MTMR14: variants seen among roughly 807,000 people sequenced by gnomAD.
The protein encoded by MTMR14 is phosphatidylinositol-3,5-bisphosphate 3-phosphatase MTMR14.
Under a neutral mutation model 86.3 loss-of-function variants are expected in MTMR14, and 48 were observed. That is an observed-to-expected ratio of 0.56 (90% CI 0.44 to 0.71). The LOEUF (loss-of-function observed/expected upper bound fraction) is 0.71. Among genes scored for constraint, MTMR14 ranks in the 30% least tolerant of loss-of-function variants. The pLI, the probability that MTMR14 is intolerant of heterozygous loss-of-function variation, is 0.00. For missense variants in MTMR14, 780 were observed against 834.6 expected, an observed-to-expected ratio of 0.93 and a Z score of 0.81; for synonymous variants, 366 against 326.1, an observed-to-expected ratio of 1.12 and a Z score of -1.32.
At chr3:9,656,695 G>C (rs1450155167) in intron 2 of MTMR14, among the ~76,000 whole-genome samples, 1 of 152,178 alleles carries the variant, frequency 6.6e-6, no homozygotes, top group Non-Finnish European at 1.5e-5. Context: ...CTGGATTACA[G>C]GTGTGAGCCA....
intron 9 of MTMR14, among the ~76,000 whole-genome samples, chr3:9,681,182 A>G (rs2075756997): frequency 6.6e-6 from 1 of 152,178 alleles, no homozygotes; most frequent in South Asian, 2.1e-4. Context: ...TGAATGAATG[A>G]GTGAATGAAT....
At chr3:9,661,734 T>TC (rs982055454) in intron 2 of MTMR14, among the ~76,000 whole-genome samples, 1 of 152,132 alleles carries the variant, frequency 6.6e-6, no homozygotes, top group African/African-American at 2.4e-5. Flanking sequence ...ACTTTTTTTT[T>TC]ATCTTAAAGG....
At chr3:9,665,084 C>G (rs923751956) in intron 3 of MTMR14, among the ~76,000 whole-genome samples, 1 of 151,998 alleles carries the variant, frequency 6.6e-6, no homozygotes, top group East Asian at 1.9e-4. Context: ...GAGTTCGAGA[C>G]CAGCCTAGCC....
In MTMR14 at chr3:9,669,836, T is replaced by C. The variant is rs115741687; in HGVS notation, c.554+344T>C. ...AGTTGCCAGTTTGCAGCTATGATGC[T>C]GATTACCAACCTGCCAGATCTCACC... On this transcript the variant is annotated intron_variant, in intron 5 of 18. Coordinates refer to ENST00000296003, the MANE Select transcript of MTMR14 (RefSeq NM_001077525.3). Among the ~76,000 whole-genome samples the C allele has an allele frequency of 2.1e-3, 317 of 152,310 alleles. 1 individual carries two copies. The highest frequency in any genetic ancestry group is 7.4e-3 in the African/African-American group (308 of 41,584).
At chr3:9,698,595 G>C (rs955938413) in intron 18 of MTMR14, among the ~76,000 whole-genome samples, 4 of 152,234 alleles carry the variant, frequency 2.6e-5, no homozygotes, top group African/African-American at 9.6e-5. Context: ...ACATGCTGGG[G>C]CCTTACCACC....
At position 9,677,898 on chromosome 3, in the gene MTMR14, C is replaced by A; in HGVS notation, c.823-86C>A. On this transcript the variant is annotated intron_variant, in intron 8 of 18. Transcript: ENST00000296003. This position sits in a 1 kb window ranked among gnomAD's most constrained non-coding sequence, Gnocchi z 4.2. ...GAAGGCAAGCACTGCCTGTGGTAGT[C>A]ACAGCCTCAGGACTGCAAGCTTCCC... 8.1e-7 allele frequency: 1 copy of A among 1,233,420 alleles called. No individual in the cohort carries two copies. The highest frequency in any genetic ancestry group is 1.2e-6 in the Non-Finnish European group (1 of 856,050). 76.4% of individuals were successfully genotyped at this position (1,233,420 alleles called of 1,614,324 possible). A position where few individuals can be genotyped will look rare whatever the true frequency, so the allele number is the denominator to read the frequency against.
chr3:9,656,743 TTAAGC>T (rs1430573181), intron 2 of MTMR14, among the ~76,000 whole-genome samples: 3 of 152,130 alleles, frequency 2.0e-5, no homozygotes, highest in South Asian at 2.1e-4. Context: ...CCGTAAATCT[TTAAGC>T]TAAAGTTTCT....
rs781063670 is a variant in MTMR14, at chr3:9,684,683, C to T, written c.1050+13C>T. The T allele has an allele frequency of 5.1e-5, 82 of 1,613,738 alleles. 1 individual carries two copies. In the Middle Eastern group the frequency reaches 9.9e-4, roughly 19 times the overall value. On this transcript the variant is annotated intron_variant, in intron 11 of 18. Transcript: ENST00000296003. The stretch of plus-strand genomic sequence containing the variant: ...TTCCTTGTGGGCTGTGAGTATGAAT[C>T]GGCCCCTACCAAGCTCTGCTCTTTG...
intron 2 of MTMR14, among the ~76,000 whole-genome samples, chr3:9,654,465 A>G (rs574948313): frequency 6.6e-6 from 1 of 152,336 alleles, no homozygotes; most frequent in East Asian, 1.9e-4. Context: ...CAGAGCAGAC[A>G]CAGAATGCTT....
intron 18 of MTMR14, chr3:9,699,554 C>G (rs988460922): frequency 6.6e-6 from 1 of 152,242 alleles, no homozygotes; most frequent in Non-Finnish European, 1.5e-5. Flanking sequence ...CCTAGCTGCT[C>G]TATTCACCAG....
At chr3:9,700,120 T>C (rs2076407388) in intron 18 of MTMR14, 1 of 152,260 alleles carries the variant, frequency 6.6e-6, no homozygotes, top group African/African-American at 2.4e-5. Flanking sequence ...CCCCCCATAC[T>C]TACCTCAGGA....
chr3:9,680,863 A>AC (rs374742855), intron 9 of MTMR14, among the ~76,000 whole-genome samples: 1 of 151,994 alleles, frequency 6.6e-6, no homozygotes, highest in Non-Finnish European at 1.5e-5. Context: ...AAACAAACAA[A>AC]AGAAGGCAGC....
intron 18 of MTMR14, among the ~76,000 whole-genome samples, chr3:9,698,483 A>G (rs536943726): frequency 5.1e-4 from 77 of 152,362 alleles, no homozygotes; most frequent in Admixed American, 2.9e-3. Context: ...GATGTCAGGC[A>G]GGAGAAAGCC....
Position 9,697,802 on chromosome 3 carries a change from G to A in MTMR14, c.1705G>A (p.Ala569Thr). The change falls in exon 18 of 19, where the codon GCT becomes ACT. Residue 569 changes from alanine to threonine, a missense_variant. Ala to Thr is a moderately conservative substitution (Grantham distance 58). Coordinates refer to ENST00000296003, the MANE Select transcript of MTMR14 (RefSeq NM_001077525.3). ...GGGCTGTGGCAGTATTCAGGAGCGG[G>A]CTGTCCTGCACACAGACTCCTCTCT... ...VTGCGSIQER[A>T]VLHTDSSLPF... 6.2e-7 allele frequency: 1 copy of A among 1,614,182 alleles called. No homozygotes were observed. Among genetic ancestry groups the A allele is most frequent in the Non-Finnish European group, 8.5e-7 (1 of 1,180,034 alleles).
chr3:9,649,868 AGAG>A (rs1231110159), intron 1 of MTMR14, 126 bp downstream of exon 1: 20 of 1,542,070 alleles, frequency 1.3e-5, no homozygotes, highest in African/African-American at 2.7e-5. Context: ...GGAGAGAGAG[AGAG>A]GAGTTCTCCA....
chr3:9,686,023 C>A (rs892477978), intron 13 of MTMR14, among the ~76,000 whole-genome samples: 2 of 152,140 alleles, frequency 1.3e-5, no homozygotes, highest in Non-Finnish European at 2.9e-5. Context: ...CTCTTTGGCC[C>A]CCACTCCCCC....
Position 9,671,178 on chromosome 3 carries a change from C to A in MTMR14, c.677+8C>A, listed in dbSNP as rs781028725. On this transcript the variant is annotated splice_region_variant and intron_variant, in intron 6 of 18. Coordinates refer to ENST00000296003, the MANE Select transcript of MTMR14 (RefSeq NM_001077525.3). ...GGTGAAGTTTGGCATGAAGTAAGTA[C>A]AGGCGCCCACTACAAAATGAGCAGA... The A allele has an allele frequency of 1.2e-6, 2 of 1,614,162 alleles. No homozygotes were observed. The highest frequency in any genetic ancestry group is 4.5e-5 in the East Asian group (2 of 44,886).
In MTMR14 at chr3:9,677,794, ACTC is replaced by A. The variant is rs915799719; in HGVS notation, c.823-187_823-185del. Among the ~76,000 whole-genome samples, 2 of 151,582 alleles carry A rather than the reference ACTC, an allele frequency of 1.3e-5. No homozygotes were observed. Among genetic ancestry groups the A allele is most frequent in the Admixed American group, 1.3e-4 (2 of 15,216 alleles). On this transcript the variant is annotated intron_variant, in intron 8 of 18. Coordinates refer to ENST00000296003, the MANE Select transcript of MTMR14 (RefSeq NM_001077525.3). This position sits in a 1 kb window ranked among gnomAD's most constrained non-coding sequence, Gnocchi z 4.2. The stretch of plus-strand genomic sequence containing the variant: ...CAGACATCAAATGTCCGACTGAAAA[ACTC>A]CTACTCAGCTATACTGATCTGGTCA...
In MTMR14 at chr3:9,677,884, C is replaced by T; in HGVS notation, c.823-100C>T. On this transcript the variant is annotated intron_variant, in intron 8 of 18. Coordinates refer to ENST00000296003, the MANE Select transcript of MTMR14 (RefSeq NM_001077525.3). The surrounding 1 kb of genome is among the most constrained non-coding windows in gnomAD (Gnocchi z 4.2). ...GTATCTGGCCCAGAGAAGGCAAGCA[C>T]TGCCTGTGGTAGTCACAGCCTCAGG... The T allele has an allele frequency of 1.9e-6, 2 of 1,041,048 alleles. No individual in the cohort carries two copies. The highest frequency in any genetic ancestry group is 2.9e-6 in the Non-Finnish European group (2 of 688,046). The allele number at this position is 1,041,048 out of a possible 1,614,324, so 64.5% of individuals were successfully genotyped here.
Sources: allele counts gnomAD v4.1 joint callset (sites outside exome capture counted in the v4.1 genomes callset), GRCh38; gene constraint gnomAD v4.1.1; non-coding constraint Gnocchi (gnomAD v3.1); transcripts MANE v1.5; gene names NCBI Gene and HGNC (gene_info 2026-07-23, HGNC 2026-07-21).